The following PIAS1 variants were observed in gnomAD, a reference collection of about 807,000 sequenced individuals.
The protein encoded by PIAS1 is protein inhibitor of activated STAT 1, also known as E3 SUMO-protein ligase PIAS1.
In PIAS1, 6 loss-of-function variants were observed where a neutral mutation model predicts 71.3. That is an observed-to-expected ratio of 0.08 (90% CI 0.05 to 0.17). PIAS1 has a LOEUF of 0.17. Ranked by LOEUF, PIAS1 falls within the 10% of genes least tolerant of loss-of-function variation. The pLI, the probability that PIAS1 is intolerant of heterozygous loss-of-function variation, is 1.00. For synonymous variants in PIAS1, 303 were observed against 292.9 expected, an observed-to-expected ratio of 1.03 and a Z score of -0.35; for missense variants, 555 against 793.6, an observed-to-expected ratio of 0.70 and a Z score of 3.61.
chr15:68,113,206 C>A (rs1255510212), intron 2 of PIAS1, among the ~76,000 whole-genome samples: 1 of 152,004 alleles, frequency 6.6e-6, no homozygotes, highest in African/African-American at 2.4e-5. Context: ...TATGTGTGCA[C>A]ATACATAGGT....
rs1171398116 is a variant in PIAS1 at position 68,054,358 on chromosome 15, G to A, written c.24+8G>A. ...GACAGTGCGGAACTAAAGGTAAAGC[G>A]CAGCTCGAATTCACTTCTAATATTC... On this transcript the variant is annotated splice_region_variant and intron_variant, in intron 1 of 13. Coordinates refer to ENST00000249636, the MANE Select transcript of PIAS1 (RefSeq NM_016166.3). This position sits in a 1 kb window ranked among gnomAD's most constrained non-coding sequence, Gnocchi z 4.6. 1.3e-6 allele frequency: 2 copies of A among 1,573,280 alleles called. No individual in the cohort carries two copies. The highest frequency in any genetic ancestry group is 1.8e-5 in the Admixed American group (1 of 54,472).
intron 8 of PIAS1, among the ~76,000 whole-genome samples, chr15:68,172,595 A>G (rs928162404): frequency 6.6e-6 from 1 of 152,206 alleles, no homozygotes; most frequent in Admixed American, 6.5e-5. Flanking sequence ...ATATTTTTCA[A>G]GTTCACAAAT....
At chr15:68,101,839 C>T (rs947688324) in intron 2 of PIAS1, among the ~76,000 whole-genome samples, 1 of 151,670 alleles carries the variant, frequency 6.6e-6, no homozygotes, top group Non-Finnish European at 1.5e-5. Context: ...CAGCCTTGAA[C>T]TGCTGGGCTC....
At chr15:68,106,210 C>T (rs1438458983) in intron 2 of PIAS1, among the ~76,000 whole-genome samples, 1 of 151,654 alleles carries the variant, frequency 6.6e-6, no homozygotes. Flanking sequence ...TTCATTTGCA[C>T]CCAGGGTTGG....
intron 2 of PIAS1, among the ~76,000 whole-genome samples, chr15:68,110,806 G>A (rs1381155385): frequency 6.6e-6 from 1 of 152,162 alleles, no homozygotes; most frequent in Non-Finnish European, 1.5e-5. Context: ...TAGTTTAGTA[G>A]AGAGGGGTGT....
At chr15:68,114,648 T>C (rs1167402133) in intron 2 of PIAS1, among the ~76,000 whole-genome samples, 1 of 152,084 alleles carries the variant, frequency 6.6e-6, no homozygotes, top group Non-Finnish European at 1.5e-5. Context: ...ATAGCAAATA[T>C]TTTTAGAGCA....
rs995592097 is a variant in PIAS1 at position 68,174,490 on chromosome 15, A to C, written c.1169+598A>C. ...CCCCCTTTTCCTCCTGCTTTTTGCC[A>C]CTAAACAAAAACAAATTGTGAAAAG... On this transcript the variant is annotated intron_variant, in intron 9 of 13. Coordinates refer to ENST00000249636, the MANE Select transcript of PIAS1 (RefSeq NM_016166.3). The surrounding 1 kb of genome is among the most constrained non-coding windows in gnomAD (Gnocchi z 4.0). Among the ~76,000 whole-genome samples the C allele has an allele frequency of 6.6e-6, 1 of 152,126 alleles. No homozygotes were observed. Among genetic ancestry groups the C allele is most frequent in the Non-Finnish European group, 1.5e-5 (1 of 68,016 alleles).
intron 2 of PIAS1, among the ~76,000 whole-genome samples, chr15:68,099,845 A>G (rs1003263914): frequency 6.6e-6 from 1 of 151,940 alleles, no homozygotes; most frequent in Non-Finnish European, 1.5e-5. Context: ...GCGATAACTC[A>G]TTTTGGTTTT....
chr15:68,114,846 CCTTAA>C lies in PIAS1; in HGVS notation c.470-27096_470-27092del, dbSNP rs376878471. Among the ~76,000 whole-genome samples, 36 of 151,814 alleles carry C rather than the reference CCTTAA, an allele frequency of 2.4e-4. No homozygotes were observed. In the East Asian group the frequency reaches 3.1e-3, roughly 13 times the overall value. ...AATATAAAAGATGAAATTTCTAAAA[CCTTAA>C]CTTTTCTTTCTGCACTTTTTATGTA... On this transcript the variant is annotated intron_variant, in intron 2 of 13. Transcript: ENST00000249636.
chr15:68,169,341 G>A (rs2092976118), intron 8 of PIAS1, among the ~76,000 whole-genome samples: 1 of 152,114 alleles, frequency 6.6e-6, no homozygotes, highest in Non-Finnish European at 1.5e-5. Context: ...TAACTACTTT[G>A]TTCTTTTGGC....
chr15:68,070,875 C>T (rs1209408276), intron 1 of PIAS1, among the ~76,000 whole-genome samples: 2 of 151,998 alleles, frequency 1.3e-5, no homozygotes, highest in African/African-American at 2.4e-5. Context: ...CCTACCTCAG[C>T]CTCTGAAAGC....
intron 1 of PIAS1, among the ~76,000 whole-genome samples, chr15:68,072,809 C>T (rs993076122): frequency 2.0e-5 from 3 of 151,876 alleles, no homozygotes; most frequent in Non-Finnish European, 4.4e-5. Context: ...TTTTTATGTC[C>T]GTTTCCTCCC....
intron 4 of PIAS1, among the ~76,000 whole-genome samples, chr15:68,143,427 T>C (rs2092786025): frequency 1.3e-5 from 2 of 152,010 alleles, no homozygotes; most frequent in Non-Finnish European, 2.9e-5. Flanking sequence ...AAGTCGAAAG[T>C]TGAGTTGAAG....
intron 8 of PIAS1, among the ~76,000 whole-genome samples, chr15:68,169,993 C>CTATA (rs1199082292): frequency 6.6e-6 from 1 of 152,152 alleles, no homozygotes; most frequent in East Asian, 1.9e-4. Flanking sequence ...TCAGGCTGCA[C>CTATA]TATAAATGAC....
intron 1 of PIAS1, among the ~76,000 whole-genome samples, chr15:68,084,244 A>G (rs751782780): frequency 2.0e-5 from 3 of 152,074 alleles, no homozygotes; most frequent in Non-Finnish European, 4.4e-5. Flanking sequence ...CAAAATTTGT[A>G]CTTTTTTTTT....
At chr15:68,070,655 GGATTTC>G (rs1341966172) in intron 1 of PIAS1, among the ~76,000 whole-genome samples, 3 of 152,012 alleles carry the variant, frequency 2.0e-5, no homozygotes, top group African/African-American at 7.3e-5. Context: ...AAAACATACT[GGATTTC>G]GAAGACATAG....
intron 2 of PIAS1, among the ~76,000 whole-genome samples, chr15:68,115,148 G>A (rs150603414): frequency 6.6e-5 from 10 of 152,090 alleles, no homozygotes; most frequent in Non-Finnish European, 1.2e-4. Context: ...GGACATCTTG[G>A]TTGCTTCCAG....
chr15:68,102,807 G>T (rs909974244), intron 2 of PIAS1, among the ~76,000 whole-genome samples: 3 of 152,000 alleles, frequency 2.0e-5, no homozygotes, highest in African/African-American at 7.2e-5. Flanking sequence ...TGCAAACAGG[G>T]ACAGTTTTTA....
intron 2 of PIAS1, among the ~76,000 whole-genome samples, chr15:68,106,978 T>A (rs1230291905): frequency 2.0e-5 from 3 of 152,170 alleles, no homozygotes; most frequent in Non-Finnish European, 4.4e-5. Context: ...ACTAGCATAT[T>A]CAGCATGGTA....
Sources: allele counts gnomAD v4.1 joint callset (sites outside exome capture counted in the v4.1 genomes callset), GRCh38; gene constraint gnomAD v4.1.1; non-coding constraint Gnocchi (gnomAD v3.1); transcripts MANE v1.5; gene names NCBI Gene and HGNC (gene_info 2026-07-23, HGNC 2026-07-21).